The following MSTO1 variants were observed in gnomAD, a reference collection of about 807,000 sequenced individuals.
MSTO1 encodes the protein misato mitochondrial distribution and morphology regulator 1.
Under a neutral mutation model 55.7 loss-of-function variants are expected in MSTO1, and 24 were observed. The observed-to-expected ratio is 0.43, with a 90% CI of 0.31 to 0.61. MSTO1 has a LOEUF of 0.61. Among genes scored for constraint, MSTO1 ranks in the 20% least tolerant of loss-of-function variants. MSTO1 has a pLI of 0.09. For synonymous variants in MSTO1, 162 were observed against 252.8 expected (o/e 0.64, Z 3.41); for missense variants, 363 against 625.7 (o/e 0.58, Z 4.48).
the MSTO1 span, among the ~76,000 whole-genome samples, chr1:155,601,081 A>G: frequency 6.7e-6 from 1 of 150,010 alleles, no homozygotes; most frequent in East Asian, 2.0e-4. Context: ...GGCCTCCCAA[A>G]GTGCTGGGAT....
At chr1:155,613,317 G>T in intron 11 of MSTO1, 84 bp downstream of exon 11, 1 of 1,573,294 alleles carries the variant, frequency 6.4e-7, no homozygotes, top group Admixed American at 1.8e-5. Context: ...GCATTCTAAT[G>T]ATACTGTTCC....
chr1:155,611,603 G>A lies in MSTO1; in HGVS notation c.421G>A (p.Gly141Ser), dbSNP rs1005013738. ...GGTCAAATCCATTCCCAATGGCAAA[G>A]GTGAGACTTCTCCAGATACTGATGG... The part of the protein sequence containing the change: ...WRVKSIPNGK[G>S]SSPLPTATTP... The change falls in exon 5 of 14, where the codon GGT (glycine) becomes AGT (serine). Residue 141 changes from glycine (G) to serine (S), a missense_variant and splice_region_variant. Gly to Ser is a moderately conservative substitution (Grantham distance 56, BLOSUM62 0). Coordinates refer to ENST00000245564, the MANE Select transcript of MSTO1 (RefSeq NM_018116.4). 2 of 1,458,706 alleles carry A rather than the reference G, an allele frequency of 1.4e-6. No individual in the cohort carries two copies. The highest frequency in any genetic ancestry group is 2.8e-5 in the African/African-American group (2 of 70,778). The allele number at this position is 1,458,706 out of a possible 1,614,324, so 90.4% of individuals were successfully genotyped here. A position where few individuals can be genotyped will look rare whatever the true frequency, so the allele number is the denominator to read the frequency against.
the MSTO1 span, among the ~76,000 whole-genome samples, chr1:155,572,037 T>A: frequency 6.7e-6 from 1 of 149,664 alleles, no homozygotes; most frequent in Non-Finnish European, 1.5e-5. Context: ...GTGAGACTCT[T>A]GTCTCAAAAA....
the MSTO1 span, among the ~76,000 whole-genome samples, chr1:155,580,907 C>CA: frequency 0.027 from 2,435 of 91,372 alleles, 101 homozygotes; most frequent in African/African-American, 0.093. Flanking sequence ...GACTCTGTCT[C>CA]AAAAAAAAAA....
chr1:155,588,788 G>A, the MSTO1 span, among the ~76,000 whole-genome samples: 1 of 152,188 alleles, frequency 6.6e-6, no homozygotes, highest in East Asian at 1.9e-4. Flanking sequence ...AACTGAGCCA[G>A]AAAGACTTGG....
chr1:155,601,349 C>T, the MSTO1 span, among the ~76,000 whole-genome samples: 1 of 151,604 alleles, frequency 6.6e-6, no homozygotes, highest in Non-Finnish European at 1.5e-5. Flanking sequence ...GTTGGCCAGG[C>T]TGATTTTGAA....
the MSTO1 span, among the ~76,000 whole-genome samples, chr1:155,590,171 T>C: frequency 6.6e-6 from 1 of 151,804 alleles, no homozygotes; most frequent in African/African-American, 2.4e-5. Context: ...TGCTTTTCCA[T>C]GGGTGAAGAG....
chr1:155,605,385 A>C (rs1672922661), upstream of MSTO1, among the ~76,000 whole-genome samples: 1 of 152,262 alleles, frequency 6.6e-6, no homozygotes, highest in Admixed American at 6.5e-5. Flanking sequence ...TGGTAGTAAT[A>C]GCTCTGAATT....
chr1:155,607,829 T>C (rs1392244633), upstream of MSTO1, among the ~76,000 whole-genome samples: 1 of 152,204 alleles, frequency 6.6e-6, no homozygotes, highest in African/African-American at 2.4e-5. Context: ...AAACCCCTTC[T>C]GTACAAAAAA....
rs1675225605 is a variant in MSTO1, at chr1:155,614,654, A to G, written c.*381A>G. 1.4e-6 allele frequency: 2 copies of G among 1,446,230 alleles called. No homozygotes were observed. The highest frequency in any genetic ancestry group is 2.3e-5 in the East Asian group (1 of 44,008). The allele number at this position is 1,446,230 out of a possible 1,614,324, so 89.6% of individuals were successfully genotyped here. On this transcript the variant is annotated 3_prime_UTR_variant, in exon 14 of 14. Coordinates refer to ENST00000245564, the MANE Select transcript of MSTO1 (RefSeq NM_018116.4). ...CTCAAGGACTGTACAAGCAGAGTACAACTACCCGCCTCCCCGGTGCCAGGG... is the reference window on the plus strand; with the variant it reads ...CTCAAGGACTGTACAAGCAGAGTACGACTACCCGCCTCCCCGGTGCCAGGG...
At chr1:155,578,818 T>C in the MSTO1 span, among the ~76,000 whole-genome samples, 1 of 135,564 alleles carries the variant, frequency 7.4e-6, no homozygotes, top group Non-Finnish European at 1.6e-5. Context: ...CCCTGTGTGG[T>C]TTTTTTTTTG....
chr1:155,614,192 G>A lies in MSTO1; in HGVS notation c.1632G>A (p.Glu544=). ...RWASFMDAGV[E]HDDVAELLQE... ...CCAGCTTCATGGATGCTGGAGTGGA[G>A]CACGATGACGTAGCAGAGCTGCTGC... The change falls in exon 14 of 14, where the codon GAG becomes GAA. Residue 544 remains glutamate (E), a synonymous_variant. Coordinates refer to ENST00000245564, the MANE Select transcript of MSTO1 (RefSeq NM_018116.4). 1 of 1,179,356 alleles carries A rather than the reference G, an allele frequency of 8.5e-7. No homozygotes were observed. The highest frequency in any genetic ancestry group is 1.6e-5 in the African/African-American group (1 of 64,026). 73.1% of individuals were successfully genotyped at this position (1,179,356 alleles called of 1,614,324 possible).
the MSTO1 span, among the ~76,000 whole-genome samples, chr1:155,578,656 G>A: frequency 6.7e-6 from 1 of 150,126 alleles, no homozygotes; most frequent in East Asian, 2.0e-4. Flanking sequence ...GACTACAGGC[G>A]CCCGCCACCG....
chr1:155,605,721 A>G (rs1376603573), upstream of MSTO1, among the ~76,000 whole-genome samples: 1 of 152,222 alleles, frequency 6.6e-6, no homozygotes, highest in African/African-American at 2.4e-5. Flanking sequence ...AACTGCAGTG[A>G]GCTCTGATCC....
At chr1:155,583,680 G>A in the MSTO1 span, among the ~76,000 whole-genome samples, 7 of 152,264 alleles carry the variant, frequency 4.6e-5, no homozygotes, top group South Asian at 4.1e-4. Flanking sequence ...CTGATTACAC[G>A]TTCTGACCGT....
chr1:155,580,233 A>G, the MSTO1 span, among the ~76,000 whole-genome samples: 7 of 151,704 alleles, frequency 4.6e-5, no homozygotes. Flanking sequence ...TCTAAGAAAA[A>G]AAAAAAAAAG....
chr1:155,564,949 G>A, the MSTO1 span, among the ~76,000 whole-genome samples: 1 of 151,948 alleles, frequency 6.6e-6, no homozygotes, highest in Non-Finnish European at 1.5e-5. Context: ...GTGAAACCCC[G>A]TCTCTACTAA....
At chr1:155,586,650 A>G in the MSTO1 span, 1 of 485,192 alleles carries the variant, frequency 2.1e-6, no homozygotes, top group Non-Finnish European at 4.0e-6. Flanking sequence ...TTTTTTTAAG[A>G]GTACAAGGAC....
At chr1:155,578,483 CAT>C in the MSTO1 span, among the ~76,000 whole-genome samples, 36 of 147,980 alleles carry the variant, frequency 2.4e-4, no homozygotes, top group African/African-American at 8.7e-4. Context: ...GAACTACAGG[CAT>C]GCGCCACCAC....
Sources: gnomAD v4.1 joint callset for allele counts (sites outside exome capture counted in the v4.1 genomes callset) on GRCh38, gnomAD v4.1.1 for gene constraint, MANE v1.5 for transcripts, NCBI Gene and HGNC (gene_info 2026-07-23, HGNC 2026-07-21) for gene names.